The following SLC24A2 variants were observed in gnomAD, a reference collection of about 807,000 sequenced individuals.
SLC24A2 encodes the protein solute carrier family 24 member 2.
A neutral mutation model predicts 62.0 loss-of-function variants in SLC24A2; 36 were observed. The observed-to-expected ratio is 0.58, with a 90% CI of 0.44 to 0.77. The LOEUF is 0.77. SLC24A2 is among the 30% of genes least tolerant of loss of function. SLC24A2 has a pLI of 0.00. For synonymous variants in SLC24A2, 358 were observed against 294.0 expected (o/e 1.22, Z -2.23); for missense variants, 846 against 817.9 (o/e 1.03, Z -0.42).
the SLC24A2 span, among the ~76,000 whole-genome samples, chr9:20,044,386 G>A: frequency 1.3e-5 from 2 of 152,144 alleles, no homozygotes; most frequent in Non-Finnish European, 2.9e-5. Flanking sequence ...TTTCTGCTCT[G>A]AAAAGAGCAG....
chr9:20,084,848 T>A, the SLC24A2 span, among the ~76,000 whole-genome samples: 2 of 152,196 alleles, frequency 1.3e-5, no homozygotes, highest in Non-Finnish European at 1.5e-5. Context: ...AAATTCTTCT[T>A]TTCAGGAATC....
the SLC24A2 span, among the ~76,000 whole-genome samples, chr9:19,995,876 T>A: frequency 6.6e-6 from 1 of 152,198 alleles, no homozygotes; most frequent in South Asian, 2.1e-4. Context: ...CCTAGGCCCC[T>A]CTCCTCTTTA....
chr9:20,212,919 G>A, the SLC24A2 span, among the ~76,000 whole-genome samples: 1 of 151,706 alleles, frequency 6.6e-6, no homozygotes, highest in African/African-American at 2.4e-5. Flanking sequence ...TTCAATGCAG[G>A]AACAGAAAAC....
intron 3 of SLC24A2, 91 bp downstream of exon 3, chr9:19,622,170 T>A: frequency 1.0e-6 from 1 of 981,060 alleles, no homozygotes; most frequent in Non-Finnish European, 1.6e-6. Flanking sequence ...GAGAGTAATG[T>A]GTTGAGCACA....
the SLC24A2 span, among the ~76,000 whole-genome samples, chr9:20,254,162 T>G: frequency 6.6e-6 from 1 of 152,218 alleles, no homozygotes. Context: ...CATTCTCAAT[T>G]GCAGAATGAC....
chr9:19,674,792 C>T (rs1268318271), intron 2 of SLC24A2, among the ~76,000 whole-genome samples: 1 of 152,062 alleles, frequency 6.6e-6, no homozygotes, highest in African/African-American at 2.4e-5. Flanking sequence ...TTGAGTTGGA[C>T]TTCATCTTTC....
chr9:19,707,867 C>T (rs1428940357), intron 2 of SLC24A2, among the ~76,000 whole-genome samples: 6 of 152,232 alleles, frequency 3.9e-5, no homozygotes, highest in East Asian at 3.9e-4. Flanking sequence ...CCCTCTCTCA[C>T]CACTCCTATT....
At chr9:20,255,656 A>T in the SLC24A2 span, among the ~76,000 whole-genome samples, 1 of 152,138 alleles carries the variant, frequency 6.6e-6, no homozygotes, top group East Asian at 1.9e-4. Context: ...CAGTATGGAG[A>T]GTGGAAACTA....
At chr9:19,699,254 CAT>C (rs758568433) in intron 2 of SLC24A2, among the ~76,000 whole-genome samples, 2 of 152,142 alleles carry the variant, frequency 1.3e-5, no homozygotes, top group Non-Finnish European at 2.9e-5. Context: ...CATGGGAAAA[CAT>C]ATTCAGTGTG....
chr9:20,210,619 G>T, the SLC24A2 span, among the ~76,000 whole-genome samples: 1 of 134,838 alleles, frequency 7.4e-6, no homozygotes, highest in South Asian at 2.5e-4. Flanking sequence ...GACTACAGGC[G>T]CCCGCCACAA....
chr9:20,281,150 G>A, the SLC24A2 span, among the ~76,000 whole-genome samples: 52 of 152,064 alleles, frequency 3.4e-4, no homozygotes, highest in Non-Finnish European at 2.1e-4. Flanking sequence ...AGCAGTTCTC[G>A]AACTCCTGGG....
the SLC24A2 span, among the ~76,000 whole-genome samples, chr9:19,894,204 A>T: frequency 6.6e-6 from 1 of 152,226 alleles, no homozygotes; most frequent in East Asian, 1.9e-4. Flanking sequence ...AGAGACTAGA[A>T]CCTTTCCGTC....
chr9:19,684,466 CA>C (rs1819818594), intron 2 of SLC24A2, among the ~76,000 whole-genome samples: 1 of 152,028 alleles, frequency 6.6e-6, no homozygotes, highest in Non-Finnish European at 1.5e-5. Flanking sequence ...CTGAAGCATT[CA>C]GGACATGTGG....
At chr9:20,110,494 A>G in the SLC24A2 span, among the ~76,000 whole-genome samples, 5 of 152,026 alleles carry the variant, frequency 3.3e-5, no homozygotes, top group African/African-American at 9.7e-5. Flanking sequence ...TTAAGTGATT[A>G]TAACAATCAA....
the SLC24A2 span, among the ~76,000 whole-genome samples, chr9:19,814,325 G>A: frequency 3.6e-4 from 55 of 152,266 alleles, no homozygotes; most frequent in Middle Eastern, 3.4e-3. Flanking sequence ...AGTGAGAGGT[G>A]GAAGCCAGTT....
At chr9:20,158,383 G>C in the SLC24A2 span, among the ~76,000 whole-genome samples, 2 of 151,564 alleles carry the variant, frequency 1.3e-5, no homozygotes, top group Admixed American at 1.3e-4. Flanking sequence ...GGTCAGGAGG[G>C]GTCCACCCCC....
the SLC24A2 span, among the ~76,000 whole-genome samples, chr9:20,214,863 ACACTGGGAGTAAC>A: frequency 6.6e-6 from 1 of 152,190 alleles, no homozygotes. Context: ...AGCAATGAGA[ACACTGGGAGTAAC>A]CATAGTATAA....
the SLC24A2 span, among the ~76,000 whole-genome samples, chr9:19,827,060 C>T: frequency 1.3e-5 from 2 of 152,152 alleles, no homozygotes; most frequent in African/African-American, 4.8e-5. Context: ...TTGCTTCCCA[C>T]ACACTCAGCT....
At chr9:20,036,789 T>G in the SLC24A2 span, among the ~76,000 whole-genome samples, 8 of 152,222 alleles carry the variant, frequency 5.3e-5, no homozygotes, top group South Asian at 6.2e-4. Context: ...TTCCCTTATA[T>G]CAAATGGTGT....
Sources: allele counts gnomAD v4.1 joint callset (sites outside exome capture counted in the v4.1 genomes callset), GRCh38; gene constraint gnomAD v4.1.1; transcripts MANE v1.5; gene names NCBI Gene and HGNC (gene_info 2026-07-23, HGNC 2026-07-21).